Variants in RYR3 observed in about 807,000 individuals in gnomAD.
The protein encoded by RYR3 is brain ryanodine receptor-calcium release channel.
RYR3 carries 207 observed loss-of-function variants against 584.3 expected under a neutral mutation model. The ratio of observed to expected loss-of-function variants is 0.35; its 90% CI spans 0.32 to 0.40. The LOEUF (loss-of-function observed/expected upper bound fraction) is 0.40, where lower values mean the gene tolerates loss of function less well. Ranked by LOEUF, RYR3 falls within the 10% of genes least tolerant of loss-of-function variation. RYR3 has a pLI of 1.00. For missense variants in RYR3, 5,616 were observed against 6,089.2 expected, an observed-to-expected ratio of 0.92 and a Z score of 2.59; for synonymous variants, 2,416 against 2,248.5, an observed-to-expected ratio of 1.07 and a Z score of -2.11.
Position 33,554,008 on chromosome 15 carries a change from G to A in RYR3, c.972+3692G>A, listed in dbSNP as rs138221655. 2.1e-3 allele frequency among the ~76,000 whole-genome samples: 316 copies of A among 152,150 alleles called. 4 individuals carry two copies. The highest frequency in any genetic ancestry group is 3.3e-3 in the African/African-American group (135 of 41,494). On this transcript the variant is annotated intron_variant, in intron 10 of 103. Transcript: ENST00000634891. ...ACCACCACCAAACTTGTGCCTGAAC[G>A]CCTTTTGCCCCTCTGCACTCTACCA...
At chr15:33,442,547 A>G (rs2046314291) in intron 1 of RYR3, among the ~76,000 whole-genome samples, 1 of 152,228 alleles carries the variant, frequency 6.6e-6, no homozygotes, top group African/African-American at 2.4e-5. Context: ...GTGAGTTTGC[A>G]AAGACGTATC....
At chr15:33,593,946 C>T (rs1210005902) in intron 16 of RYR3, among the ~76,000 whole-genome samples, 2 of 152,102 alleles carry the variant, frequency 1.3e-5, no homozygotes, top group African/African-American at 4.8e-5. Context: ...TTTAAATGGG[C>T]TTTGATGGAA....
chr15:33,469,751 T>TAAC (rs1235836014), intron 1 of RYR3, among the ~76,000 whole-genome samples: 1 of 152,006 alleles, frequency 6.6e-6, no homozygotes, highest in East Asian at 1.9e-4. Context: ...ACAGACTGAG[T>TAAC]AACAGCTCCT....
At chr15:33,384,076 CT>C (rs61414328) in intron 1 of RYR3, among the ~76,000 whole-genome samples, 1,866 of 152,264 alleles carry the variant, frequency 0.012, 41 homozygotes, top group African/African-American at 0.043. Flanking sequence ...GGCTTTTGTC[CT>C]GTGCACTCTG....
At chr15:33,447,002 G>C (rs1404287865) in intron 1 of RYR3, among the ~76,000 whole-genome samples, 3 of 152,190 alleles carry the variant, frequency 2.0e-5, no homozygotes, top group Non-Finnish European at 4.4e-5. Flanking sequence ...ATTGTAGAGT[G>C]CGTCTCACCC....
At chr15:33,565,382 C>A (rs1202432376) in intron 11 of RYR3, among the ~76,000 whole-genome samples, 1 of 152,142 alleles carries the variant, frequency 6.6e-6, no homozygotes, top group Non-Finnish European at 1.5e-5. Flanking sequence ...GTATCCTTTG[C>A]TGATGCTTAC....
rs115424004 is a variant in RYR3 at position 33,845,597 on chromosome 15, G to A, written c.13497+535G>A. On this transcript the variant is annotated intron_variant, in intron 93 of 103. Coordinates refer to ENST00000634891, the MANE Select transcript of RYR3 (RefSeq NM_001036.6). ...GAATCTACCACTTAGCATGATCACT[G>A]GGCAATCTGTACGCACTTTCAAGTT... Among the ~76,000 whole-genome samples the A allele has an allele frequency of 5.8e-3, 879 of 152,158 alleles. 6 individuals are homozygous for A. Among genetic ancestry groups the A allele is most frequent in the African/African-American group, 0.019 (808 of 41,496 alleles).
chr15:33,527,673 A>G (rs2054508937), intron 3 of RYR3, among the ~76,000 whole-genome samples: 1 of 152,058 alleles, frequency 6.6e-6, no homozygotes, highest in South Asian at 2.1e-4. Context: ...AAATTGCCTG[A>G]TGCACGGCCT....
intron 92 of RYR3, among the ~76,000 whole-genome samples, chr15:33,843,944 C>A (rs1284968191): frequency 6.6e-6 from 1 of 152,054 alleles, no homozygotes. Context: ...TATAGTTGGC[C>A]TATTTGTTAG....
At chr15:33,586,266 C>T in intron 16 of RYR3, 150 bp downstream of exon 16, 1 of 634,638 alleles carries the variant, frequency 1.6e-6, no homozygotes, top group Non-Finnish European at 2.8e-6. Flanking sequence ...TCCCCGCATA[C>T]AAGCACTCTC....
chr15:33,426,886 C>A (rs1465488233), intron 1 of RYR3, among the ~76,000 whole-genome samples: 1 of 152,194 alleles, frequency 6.6e-6, no homozygotes, highest in Non-Finnish European at 1.5e-5. Flanking sequence ...CTGCTGGCTT[C>A]TCTTGTATCC....
intron 2 of RYR3, among the ~76,000 whole-genome samples, chr15:33,493,495 C>T (rs1471808549): frequency 6.6e-6 from 1 of 152,102 alleles, no homozygotes; most frequent in Non-Finnish European, 1.5e-5. Flanking sequence ...ATTTTTATGA[C>T]CATATAAAGA....
At chr15:33,663,005 A>G in intron 35 of RYR3, 57 bp downstream of exon 35, 1 of 1,479,806 alleles carries the variant, frequency 6.8e-7, no homozygotes, top group Non-Finnish European at 9.3e-7. Context: ...TTTGATCAAA[A>G]TATCAGGAAC....
At position 33,332,495 on chromosome 15, in the gene RYR3, C is replaced by A. The variant is rs569968181; in HGVS notation, c.51+21399C>A. 2.0e-5 allele frequency among the ~76,000 whole-genome samples: 3 copies of A among 151,960 alleles called. 1 individual carries two copies. The South Asian group carries it at 6.3e-4, about 32-fold the overall frequency. On this transcript the variant is annotated intron_variant, in intron 1 of 103. Coordinates refer to ENST00000634891, the MANE Select transcript of RYR3 (RefSeq NM_001036.6). ...GCATTCAGCAGTTATAGAATACATA[C>A]TATTTTTAAGCACACACACAGAAAT...
At chr15:33,513,637 T>TA (rs2053234959) in intron 3 of RYR3, among the ~76,000 whole-genome samples, 1 of 152,106 alleles carries the variant, frequency 6.6e-6, no homozygotes, top group African/African-American at 2.4e-5. Flanking sequence ...CTTGGGCTTG[T>TA]AGTGAGGTGG....
chr15:33,801,812 T>C (rs2075932901), intron 68 of RYR3, 57 bp from the exon 69 acceptor site: 2 of 905,218 alleles, frequency 2.2e-6, no homozygotes, highest in African/African-American at 3.3e-5. Context: ...TAGAATCTTA[T>C]TTTTGGTTTA....
chr15:33,672,870 A>G (rs1269650959), intron 38 of RYR3, among the ~76,000 whole-genome samples: 2 of 151,574 alleles, frequency 1.3e-5, no homozygotes, highest in Non-Finnish European at 2.9e-5. Flanking sequence ...TCCATTGTAT[A>G]GTTGGGGGAA....
At position 33,736,282 on chromosome 15, in the gene RYR3, T is replaced by C; in HGVS notation, c.7472T>C (p.Phe2491Ser). Residue 2491 changes from phenylalanine (F) to serine (S), a missense_variant, in exon 49 of 104, where the codon TTT (phenylalanine) becomes TCT (serine). Physicochemically the swap from Phe to Ser is radical, Grantham distance 155. This residue lies in a region of RYR3 where 1,280 missense variants were observed against 1,426.2 expected (regional missense o/e 0.90). Transcript: ENST00000634891. ...MLQQLLRRLV[F>S]DVPQLNEYCK... is the part of the protein sequence containing the mutation. ...CAGCAACTCCTGCGACGCCTCGTTT[T>C]TGATGTGCCGCAACTCAATGAATAC... 3 of 1,613,474 alleles carry C rather than the reference T, an allele frequency of 1.9e-6. No homozygotes were observed. Among genetic ancestry groups the C allele is most frequent in the Non-Finnish European group, 2.5e-6 (3 of 1,179,756 alleles).
chr15:33,366,304 T>C (rs1975488321), intron 1 of RYR3, among the ~76,000 whole-genome samples: 1 of 152,178 alleles, frequency 6.6e-6, no homozygotes, highest in Non-Finnish European at 1.5e-5. Context: ...CTTGGTCTTG[T>C]CTGTTCAACG....
Sources: allele counts gnomAD v4.1 joint callset (sites outside exome capture counted in the v4.1 genomes callset), GRCh38; gene constraint gnomAD v4.1.1; regional missense constraint gnomAD v4.1.1; transcripts MANE v1.5; gene names NCBI Gene and HGNC (gene_info 2026-07-23, HGNC 2026-07-21).